ANKRD33B: variants seen among roughly 807,000 people sequenced by gnomAD.
The protein encoded by ANKRD33B is ankyrin repeat domain-containing protein 33B.
A neutral mutation model predicts 21.5 loss-of-function variants in ANKRD33B; 6 were observed. The ratio of observed to expected loss-of-function variants is 0.28; its 90% CI spans 0.15 to 0.55. ANKRD33B has a LOEUF of 0.55. Ranked by LOEUF, ANKRD33B falls within the 20% of genes least tolerant of loss-of-function variation. The probability of loss-of-function intolerance (pLI) is 0.94; values close to 1 mark genes in which losing one functional copy is unlikely to be tolerated. For missense variants in ANKRD33B, 698 were observed against 747.2 expected (o/e 0.93, Z 0.77); for synonymous variants, 347 against 342.4 (o/e 1.01, Z -0.15).
chr5:10,608,495 A>C (rs184775185), intron 1 of ANKRD33B, among the ~76,000 whole-genome samples: 2 of 152,050 alleles, frequency 1.3e-5, no homozygotes, highest in Admixed American at 6.6e-5. Flanking sequence ...AATGGGAGCA[A>C]CTCTCAGGTT....
intron 1 of ANKRD33B, among the ~76,000 whole-genome samples, chr5:10,577,515 G>A (rs796252597): frequency 7.9e-5 from 12 of 152,290 alleles, no homozygotes; most frequent in African/African-American, 2.4e-4. Context: ...GTCCGGTGTC[G>A]GGCTATGCAC....
intron 3 of ANKRD33B, among the ~76,000 whole-genome samples, chr5:10,646,397 C>T (rs921637538): frequency 6.6e-6 from 1 of 151,970 alleles, no homozygotes; most frequent in Non-Finnish European, 1.5e-5. Flanking sequence ...TTAATATAAC[C>T]CTTTACAGTT....
intron 1 of ANKRD33B, among the ~76,000 whole-genome samples, chr5:10,594,697 C>T (rs1216341058): frequency 6.6e-6 from 1 of 152,122 alleles, no homozygotes; most frequent in Non-Finnish European, 1.5e-5. Flanking sequence ...CTAAGAAGAA[C>T]GACTCCTTGA....
chr5:10,595,210 C>A (rs571455590), intron 1 of ANKRD33B, among the ~76,000 whole-genome samples: 6 of 152,136 alleles, frequency 3.9e-5, no homozygotes, highest in African/African-American at 1.4e-4. Flanking sequence ...GGTGGAGGAG[C>A]GGCCTGGGGG....
chr5:10,617,367 T>A (rs538008180), intron 1 of ANKRD33B, among the ~76,000 whole-genome samples: 1 of 152,174 alleles, frequency 6.6e-6, no homozygotes, highest in African/African-American at 2.4e-5. Flanking sequence ...CCACATCCTG[T>A]CGCTCTCATT....
At chr5:10,569,862 T>C (rs955402659) in intron 1 of ANKRD33B, among the ~76,000 whole-genome samples, 1 of 151,894 alleles carries the variant, frequency 6.6e-6, no homozygotes, top group East Asian at 1.9e-4. Flanking sequence ...GGCCCATGTG[T>C]TTTTTGTTTG....
At chr5:10,637,048 C>T (rs1736883218) in intron 2 of ANKRD33B, among the ~76,000 whole-genome samples, 1 of 152,184 alleles carries the variant, frequency 6.6e-6, no homozygotes, top group African/African-American at 2.4e-5. Flanking sequence ...GCCGACTGTG[C>T]CAAGGCTGGG....
chr5:10,570,446 C>A (rs1352467048), intron 1 of ANKRD33B, among the ~76,000 whole-genome samples: 1 of 152,192 alleles, frequency 6.6e-6, no homozygotes, highest in Non-Finnish European at 1.5e-5. Flanking sequence ...GGCCTGTTTT[C>A]CATGGCAGGG....
chr5:10,584,675 G>A (rs1385306188), intron 1 of ANKRD33B, among the ~76,000 whole-genome samples: 3 of 152,170 alleles, frequency 2.0e-5, no homozygotes, highest in East Asian at 1.9e-4. Context: ...TTGGACAGGG[G>A]TACCTGTGCC....
At chr5:10,631,929 C>T (rs1736726734) in intron 2 of ANKRD33B, among the ~76,000 whole-genome samples, 1 of 152,134 alleles carries the variant, frequency 6.6e-6, no homozygotes, top group African/African-American at 2.4e-5. Context: ...TGCAGAACGG[C>T]GGGGCAGCAT....
rs1433827485 is a variant in ANKRD33B at position 10,650,477 on chromosome 5, A to T, written c.*364A>T. The T allele has an allele frequency of 6.2e-6, 1 of 160,854 alleles. No homozygotes were observed. Among genetic ancestry groups the T allele is most frequent in the African/African-American group, 2.4e-5 (1 of 41,792 alleles). The allele number at this position is 160,854 out of a possible 1,614,324, so 10.0% of individuals were successfully genotyped here. Reference sequence around the variant, plus strand: ...TCAAATTTGCAACGTTTTACAAGTGATAGGGCCCCTTATATCCAAGGCAGT... The same window carrying T: ...TCAAATTTGCAACGTTTTACAAGTGTTAGGGCCCCTTATATCCAAGGCAGT... On this transcript the variant is annotated 3_prime_UTR_variant, in exon 4 of 4. Transcript: ENST00000296657.
chr5:10,620,977 AAAG>A (rs1212544434), intron 2 of ANKRD33B, among the ~76,000 whole-genome samples: 41 of 152,184 alleles, frequency 2.7e-4, no homozygotes, highest in African/African-American at 9.9e-4. Context: ...ATTTTTCTAT[AAAG>A]AAGAGCTTTC....
At chr5:10,628,076 C>G (rs187524902) in intron 2 of ANKRD33B, 1 of 152,314 alleles carries the variant, frequency 6.6e-6, no homozygotes, top group East Asian at 1.9e-4. Context: ...CCGACAGCTC[C>G]CTCTACTGGC....
chr5:10,629,026 A>T (rs1736644117), intron 2 of ANKRD33B, among the ~76,000 whole-genome samples: 1 of 152,166 alleles, frequency 6.6e-6, no homozygotes, highest in Non-Finnish European at 1.5e-5. Flanking sequence ...TTGGGAGGGC[A>T]TTGGCGGTGA....
At chr5:10,607,317 G>C (rs1011596190) in intron 1 of ANKRD33B, among the ~76,000 whole-genome samples, 1 of 152,176 alleles carries the variant, frequency 6.6e-6, no homozygotes, top group East Asian at 1.9e-4. Context: ...CCCTCACTCC[G>C]GAGGCCCAGT....
chr5:10,614,810 C>G (rs887128360), intron 1 of ANKRD33B, among the ~76,000 whole-genome samples: 5 of 152,046 alleles, frequency 3.3e-5, no homozygotes, highest in Non-Finnish European at 7.4e-5. Flanking sequence ...TTGCTTGAAC[C>G]CAGGAGGCAG....
chr5:10,626,238 G>C (rs957946453), intron 2 of ANKRD33B, among the ~76,000 whole-genome samples: 1 of 152,218 alleles, frequency 6.6e-6, no homozygotes, highest in Non-Finnish European at 1.5e-5. Context: ...TTCCTAGGCC[G>C]AAAGCAGGGC....
At chr5:10,592,683 A>G (rs1466606549) in intron 1 of ANKRD33B, among the ~76,000 whole-genome samples, 4 of 151,768 alleles carry the variant, frequency 2.6e-5, no homozygotes, top group African/African-American at 4.8e-5. Context: ...ATGAGCTTGC[A>G]GTGAGAGACC....
chr5:10,591,236 A>G (rs1257597917), intron 1 of ANKRD33B, among the ~76,000 whole-genome samples: 1 of 116,050 alleles, frequency 8.6e-6, no homozygotes, highest in African/African-American at 3.3e-5. Context: ...TCGGTTGCCC[A>G]GGCTGGAGTG....
Sources: allele counts gnomAD v4.1 joint callset (sites outside exome capture counted in the v4.1 genomes callset), GRCh38; gene constraint gnomAD v4.1.1; transcripts MANE v1.5; gene names NCBI Gene and HGNC (gene_info 2026-07-23, HGNC 2026-07-21).